Variants in PHLDB3 observed in about 807,000 individuals in gnomAD.
The protein encoded by PHLDB3 is pleckstrin homology-like domain family B member 3.
A neutral mutation model predicts 85.7 loss-of-function variants in PHLDB3; 86 were observed. The observed-to-expected ratio is 1.00, with a 90% CI of 0.84 to 1.20. The LOEUF (loss-of-function observed/expected upper bound fraction) is 1.20, where lower values mean the gene tolerates loss of function less well. Ranked by LOEUF, PHLDB3 falls within the 50% of genes most tolerant of loss-of-function variation. PHLDB3 has a pLI of 0.00. For missense variants in PHLDB3, 995 were observed against 873.0 expected (o/e 1.14, Z -1.76); for synonymous variants, 376 against 349.8 (o/e 1.07, Z -0.83).
At chr19:43,484,897 G>A (rs866454600) in intron 13 of PHLDB3, among the ~76,000 whole-genome samples, 13 of 152,024 alleles carry the variant, frequency 8.6e-5, no homozygotes, top group South Asian at 2.1e-4. Context: ...AGGCTGACAT[G>A]GGAGGATTGT....
At chr19:43,495,822 G>T in intron 6 of PHLDB3, 1 of 632,500 alleles carries the variant, frequency 1.6e-6, no homozygotes, top group Non-Finnish European at 2.6e-6. Context: ...TGGGGAAGAT[G>T]AAGAGAAAGG....
chr19:43,490,117 A>G lies in PHLDB3; in HGVS notation c.1150-2994T>C, dbSNP rs115242619. On this transcript the variant is annotated intron_variant, in intron 9 of 15. Coordinates refer to ENST00000292140, the MANE Select transcript of PHLDB3 (RefSeq NM_198850.4). ...AAAAACATTGGTGGAACAACTGACA[A>G]AATACAAATAAGGTCTGTGGATTCT... 6.6e-3 allele frequency among the ~76,000 whole-genome samples: 1,008 copies of G among 152,208 alleles called. 8 individuals are homozygous for G. The highest frequency in any genetic ancestry group is 0.023 in the African/African-American group (975 of 41,538).
chr19:43,491,074 G>A (rs191671434), intron 9 of PHLDB3, among the ~76,000 whole-genome samples: 1 of 152,304 alleles, frequency 6.6e-6, no homozygotes, highest in Admixed American at 6.5e-5. Flanking sequence ...GGCCTTCTGT[G>A]CACAGGGGCC....
chr19:43,487,591 A>AAAAAAAAAAAC lies in PHLDB3; in HGVS notation c.1150-469_1150-468insGTTTTTTTTTT, dbSNP rs1167897767. 2.0e-4 allele frequency among the ~76,000 whole-genome samples: 23 copies of AAAAAAAAAAAC among 115,768 alleles called. 1 individual carries two copies. The highest frequency in any genetic ancestry group is 3.8e-4 in the African/African-American group (12 of 31,998). 75.9% of individuals were successfully genotyped at this position (115,768 alleles called of 152,430 possible). A position where few individuals can be genotyped will look rare whatever the true frequency, so the allele number is the denominator to read the frequency against. On this transcript the variant is annotated intron_variant, in intron 9 of 15. Transcript: ENST00000292140. ...CTCTGTCTCAAAAAAAAAAAAAAAAAACACAGAAAAGAAAAAAAGAAATGT... is the reference window on the plus strand; with the variant it reads ...CTCTGTCTCAAAAAAAAAAAAAAAAAAAAAAAAAAACACACAGAAAAGAAAAAAAGAAATGT...
chr19:43,475,619 T>A (rs1308795348), intron 15 of PHLDB3, 75 bp from the exon 16 acceptor site: 6 of 1,582,090 alleles, frequency 3.8e-6, no homozygotes, highest in Non-Finnish European at 5.2e-6. Context: ...CCAGCCTTGC[T>A]ACTTATAGTC....
In PHLDB3 at chr19:43,504,109, G is replaced by A. The variant is rs769600215; in HGVS notation, c.10C>T (p.Arg4Ter). The A allele has an allele frequency of 1.9e-6, 3 of 1,599,226 alleles. No individual in the cohort carries two copies. The highest frequency in any genetic ancestry group is 1.3e-5 in the African/African-American group (1 of 74,530). MGT[R>*]SSPEEGTPPP... is the part of the protein sequence containing the mutation. ...GGGGTCCCCTCCTCGGGGCTGCTTCGCGTCCCCATGGCCGCTGGGACTCCT... is the reference window on the plus strand; with the variant it reads ...GGGGTCCCCTCCTCGGGGCTGCTTCACGTCCCCATGGCCGCTGGGACTCCT... Residue 4 changes from arginine (R) to a stop codon, truncating the protein, a stop_gained, in exon 2 of 16, where the codon CGA (arginine) becomes TGA (stop). Transcript: ENST00000292140. LOFTEE classifies it high-confidence loss of function.
At chr19:43,502,053 G>A (rs1971616146) in intron 3 of PHLDB3, 48 bp downstream of exon 3, 2 of 1,536,920 alleles carry the variant, frequency 1.3e-6, no homozygotes, top group East Asian at 4.9e-5. Context: ...GGCTTTGCGG[G>A]TTCCGCTTGA....
chr19:43,483,404 G>A lies in PHLDB3; in HGVS notation c.1485+2862C>T, dbSNP rs139669747. On this transcript the variant is annotated intron_variant, in intron 13 of 15. Coordinates refer to ENST00000292140, the MANE Select transcript of PHLDB3 (RefSeq NM_198850.4). Reference sequence around the variant, plus strand: ...AATCCTCCCACCTTAGCCTTTTCCCGAGTAGCTGGGACCAAAGGCATGCAC... The same window carrying A: ...AATCCTCCCACCTTAGCCTTTTCCCAAGTAGCTGGGACCAAAGGCATGCAC... Among the ~76,000 whole-genome samples the A allele has an allele frequency of 3.0e-3, 452 of 151,732 alleles. 2 individuals carry two copies. The highest frequency in any genetic ancestry group is 9.9e-3 in the African/African-American group (409 of 41,336).
chr19:43,492,655 C>T (rs1051128493), intron 9 of PHLDB3, among the ~76,000 whole-genome samples: 9 of 149,348 alleles, frequency 6.0e-5, no homozygotes, highest in African/African-American at 2.2e-4. Flanking sequence ...GAAAAAAGAA[C>T]CTAAGTTCTG....
intron 4 of PHLDB3, among the ~76,000 whole-genome samples, chr19:43,500,154 G>T (rs900104940): frequency 6.6e-6 from 1 of 152,040 alleles, no homozygotes; most frequent in African/African-American, 2.4e-5. Flanking sequence ...CAGGAGAATC[G>T]CTTGAACCTG....
chr19:43,501,445 A>T (rs1020090874), intron 4 of PHLDB3: 1 of 454,868 alleles, frequency 2.2e-6, no homozygotes, highest in Non-Finnish European at 3.8e-6. Flanking sequence ...TCGGCCTCCC[A>T]AAGTGCTATG....
At chr19:43,483,954 TA>T (rs1228634469) in intron 13 of PHLDB3, among the ~76,000 whole-genome samples, 5 of 152,022 alleles carry the variant, frequency 3.3e-5, no homozygotes, top group African/African-American at 1.2e-4. Context: ...TCTCTACTGT[TA>T]AAAATGGAAA....
At chr19:43,501,477 T>C (rs1971597256) in intron 4 of PHLDB3, 1 of 627,916 alleles carries the variant, frequency 1.6e-6, no homozygotes, top group South Asian at 2.0e-5. Context: ...GAGCCACTGC[T>C]TCCGGCCAGT....
In PHLDB3 at chr19:43,487,087, G is replaced by C; in HGVS notation, c.1186C>G (p.Arg396Gly). The change falls in exon 10 of 16, where the codon CGG (arginine) becomes GGG (glycine). Residue 396 changes from arginine (R) to glycine (G), a missense_variant. By Grantham distance (125) the Arg-to-Gly change is moderately radical. Transcript: ENST00000292140. The stretch of plus-strand genomic sequence containing the variant: ...TGGCTCCCCCTCTCCCCCCTTTTCC[G>C]GGGCAGGCTCCCAGTCCTCTGGAGG... ...IGLQRTGSLP[R>G]KRGERGSQRG... The C allele has an allele frequency of 6.4e-7, 1 of 1,573,528 alleles. No individual in the cohort carries two copies. Among genetic ancestry groups the C allele is most frequent in the Non-Finnish European group, 8.6e-7 (1 of 1,159,620 alleles).
At chr19:43,480,805 C>CA (rs1971029661) in intron 13 of PHLDB3, among the ~76,000 whole-genome samples, 1 of 152,134 alleles carries the variant, frequency 6.6e-6, no homozygotes, top group African/African-American at 2.4e-5. Flanking sequence ...CCAGAGCTGA[C>CA]AGAGCCAGGA....
At position 43,475,338 on chromosome 19, in the gene PHLDB3, G is replaced by A. The variant is rs539350320; in HGVS notation, c.*72C>T. 4.6e-4 allele frequency: 723 copies of A among 1,567,772 alleles called. 1 individual carries two copies. Among genetic ancestry groups the A allele is most frequent in the Non-Finnish European group, 6.0e-4 (693 of 1,154,730 alleles). On this transcript the variant is annotated 3_prime_UTR_variant, in exon 16 of 16. Transcript: ENST00000292140. ...GTCCAAGTTTTCCGGCAGTGGGCGG[G>A]GCCTAGGAACGCCCCCGCGCCCCGC...
At chr19:43,504,330 C>T (rs560655156) in intron 1 of PHLDB3, 198 bp from the exon 2 acceptor site, 5 of 602,624 alleles carry the variant, frequency 8.3e-6, no homozygotes, top group Non-Finnish European at 1.4e-5. Flanking sequence ...GACACGCCAC[C>T]GGAGACGGGA....
At chr19:43,485,868 A>AT (rs1971143784) in intron 13 of PHLDB3, 1 of 818,862 alleles carries the variant, frequency 1.2e-6, no homozygotes. Flanking sequence ...ATTTTAAATG[A>AT]TTTTTAAAAG....
chr19:43,483,861 T>C (rs147639616), intron 13 of PHLDB3, among the ~76,000 whole-genome samples: 253 of 152,280 alleles, frequency 1.7e-3, no homozygotes, highest in Admixed American at 3.6e-3. Flanking sequence ...TCAGGCATGA[T>C]GGTTCAGGCC....
Sources: gnomAD v4.1 joint callset for allele counts (sites outside exome capture counted in the v4.1 genomes callset) on GRCh38, gnomAD v4.1.1 for gene constraint, MANE v1.5 for transcripts, NCBI Gene and HGNC (gene_info 2026-07-23, HGNC 2026-07-21) for gene names.